HS6ST3: variants seen among roughly 807,000 people sequenced by gnomAD.
The protein encoded by HS6ST3 is heparan-sulfate 6-O-sulfotransferase 3.
HS6ST3 carries 12 observed loss-of-function variants against 36.7 expected under a neutral mutation model. That is an observed-to-expected ratio of 0.33 (90% confidence interval 0.21 to 0.53). The LOEUF (loss-of-function observed/expected upper bound fraction) is 0.53, where lower values mean the gene tolerates loss of function less well. Ranked by LOEUF, HS6ST3 falls within the 20% of genes least tolerant of loss-of-function variation. HS6ST3 has a pLI of 0.95. For missense variants in HS6ST3, 584 were observed against 640.9 expected (o/e 0.91, Z 0.96); for synonymous variants, 240 against 257.5 (o/e 0.93, Z 0.65).
intron 1 of HS6ST3, among the ~76,000 whole-genome samples, chr13:96,265,497 T>C (rs2054687661): frequency 6.6e-6 from 1 of 152,200 alleles, no homozygotes; most frequent in Non-Finnish European, 1.5e-5. Context: ...CACTGTTGAC[T>C]CTGATTCATT....
intron 1 of HS6ST3, among the ~76,000 whole-genome samples, chr13:96,758,446 C>T (rs1232104195): frequency 6.6e-6 from 1 of 151,556 alleles, no homozygotes; most frequent in Non-Finnish European, 1.5e-5. Context: ...TTTTTTCCTT[C>T]TTCTTTCAGC....
At chr13:96,104,176 T>A (rs1452752105) in intron 1 of HS6ST3, among the ~76,000 whole-genome samples, 1 of 152,200 alleles carries the variant, frequency 6.6e-6, no homozygotes, top group Admixed American at 6.5e-5. Context: ...TCATACTTGG[T>A]TTTGCAGTTA....
chr13:96,513,307 A>G (rs2056058442), intron 1 of HS6ST3, among the ~76,000 whole-genome samples: 1 of 150,394 alleles, frequency 6.6e-6, no homozygotes, highest in African/African-American at 2.4e-5. Flanking sequence ...TCCAGCCTTT[A>G]TTTTAGAAAA....
chr13:96,735,851 A>T lies in HS6ST3; in HGVS notation c.708-96639A>T, dbSNP rs563718304. On this transcript the variant is annotated intron_variant, in intron 1 of 1. Coordinates refer to ENST00000376705, the MANE Select transcript of HS6ST3 (RefSeq NM_153456.4). ...TAGAAAAGGAAGACTCTTGAAACCA[A>T]GTGGTATGTATACACTGTGGAATAC... Among the ~76,000 whole-genome samples the T allele has an allele frequency of 5.9e-5, 9 of 152,324 alleles. No individual in the cohort carries two copies. The East Asian group carries it at 1.4e-3, about 23-fold the overall frequency.
intron 1 of HS6ST3, among the ~76,000 whole-genome samples, chr13:96,115,748 T>G (rs748608195): frequency 6.6e-6 from 1 of 152,240 alleles, no homozygotes; most frequent in Non-Finnish European, 1.5e-5. Context: ...TATATTCCTT[T>G]GGGTATATAC....
chr13:96,204,364 ATACT>A (rs2054358979), intron 1 of HS6ST3, among the ~76,000 whole-genome samples: 3 of 152,164 alleles, frequency 2.0e-5, no homozygotes, highest in Non-Finnish European at 4.4e-5. Context: ...AAATTCTTAG[ATACT>A]TACAAAGAGA....
intron 1 of HS6ST3, among the ~76,000 whole-genome samples, chr13:96,799,429 C>T (rs1364582204): frequency 6.6e-6 from 1 of 152,056 alleles, no homozygotes; most frequent in Non-Finnish European, 1.5e-5. Context: ...GGCACACATA[C>T]ACCATGGAAT....
At chr13:96,643,078 G>C (rs1311843980) in intron 1 of HS6ST3, among the ~76,000 whole-genome samples, 1 of 151,956 alleles carries the variant, frequency 6.6e-6, no homozygotes, top group Non-Finnish European at 1.5e-5. Context: ...TTATTTGTTT[G>C]CTTAGTGACT....
At chr13:96,118,388 C>T (rs1311720261) in intron 1 of HS6ST3, among the ~76,000 whole-genome samples, 1 of 151,988 alleles carries the variant, frequency 6.6e-6, no homozygotes, top group East Asian at 1.9e-4. Flanking sequence ...GTCATGCCAA[C>T]ATTTTGATCT....
intron 1 of HS6ST3, among the ~76,000 whole-genome samples, chr13:96,510,574 G>A (rs1321556728): frequency 1.3e-5 from 2 of 152,096 alleles, no homozygotes; most frequent in Non-Finnish European, 2.9e-5. Flanking sequence ...TGCCCACTCT[G>A]TGAGATTTCT....
chr13:96,588,415 A>G (rs2056369976), intron 1 of HS6ST3, among the ~76,000 whole-genome samples: 1 of 152,122 alleles, frequency 6.6e-6, no homozygotes, highest in Admixed American at 6.6e-5. Context: ...TTCCATACCT[A>G]ATCTGTTGAG....
At chr13:96,122,474 C>A (rs1289125922) in intron 1 of HS6ST3, among the ~76,000 whole-genome samples, 2 of 152,162 alleles carry the variant, frequency 1.3e-5, no homozygotes, top group African/African-American at 4.8e-5. Context: ...TAATATATTT[C>A]TCTGCTCACA....
chr13:96,549,588 C>T (rs2056211045), intron 1 of HS6ST3, among the ~76,000 whole-genome samples: 1 of 152,098 alleles, frequency 6.6e-6, no homozygotes, highest in South Asian at 2.1e-4. Context: ...GGTTATCTGT[C>T]CTTTGATTAA....
intron 1 of HS6ST3, among the ~76,000 whole-genome samples, chr13:96,534,400 T>C (rs1374733311): frequency 6.6e-6 from 1 of 152,250 alleles, no homozygotes; most frequent in Admixed American, 6.5e-5. Context: ...AATGACTAGC[T>C]AATCAAACTG....
At position 96,108,952 on chromosome 13, in the gene HS6ST3, C is replaced by CCTATCTGTATCT. The variant is rs1555386079; in HGVS notation, c.707+17389_707+17390insGTATCTCTATCT. Among the ~76,000 whole-genome samples, 449 of 147,930 alleles carry CCTATCTGTATCT rather than the reference C, an allele frequency of 3.0e-3. 3 individuals are homozygous for CCTATCTGTATCT. The highest frequency in any genetic ancestry group is 0.011 in the African/African-American group (440 of 40,082). On this transcript the variant is annotated intron_variant, in intron 1 of 1. Transcript: ENST00000376705. ...AAAGGTTAAATCTGTGACAACCACT[C>CCTATCTGTATCT]CTATCTCTATCTCTATCTCTATCTC...
At position 96,530,505 on chromosome 13, in the gene HS6ST3, C is replaced by CTT. The variant is rs113518179; in HGVS notation, c.708-301972_708-301971dup. Among the ~76,000 whole-genome samples, 697 of 142,598 alleles carry CTT rather than the reference C, an allele frequency of 4.9e-3. 8 individuals are homozygous for CTT. Among genetic ancestry groups the CTT allele is most frequent in the African/African-American group, 0.016 (626 of 38,904 alleles). 93.5% of individuals were successfully genotyped at this position (142,598 alleles called of 152,430 possible). Reference sequence around the variant, plus strand: ...ACTGATCAGTTTCTTTTTTCTTTCCCTTTTTTTTTTTTTTGGAAACAGGTA... The same window carrying CTT: ...ACTGATCAGTTTCTTTTTTCTTTCCCTTTTTTTTTTTTTTTTGGAAACAGGTA... On this transcript the variant is annotated intron_variant, in intron 1 of 1. Transcript: ENST00000376705.
Position 96,091,418 on chromosome 13 carries a change from T to G in HS6ST3, c.556T>G (p.Cys186Gly). 6.2e-7 allele frequency: 1 copy of G among 1,613,106 alleles called. No homozygotes were observed. Among genetic ancestry groups the G allele is most frequent in the Non-Finnish European group, 8.5e-7 (1 of 1,179,698 alleles). ...SCKAGQKKCT[C>G]HRPGKKETWL... ...CAAAGCGGGTCAGAAGAAGTGCACC[T>G]GCCACCGGCCTGGCAAGAAGGAGAC... is the stretch of plus-strand genomic sequence containing the variant. Residue 186 changes from cysteine to glycine, a missense_variant, in exon 1 of 2, where the codon TGC (cysteine) becomes GGC (glycine). By Grantham distance (159) the Cys-to-Gly change is radical. Coordinates refer to ENST00000376705, the MANE Select transcript of HS6ST3 (RefSeq NM_153456.4).
chr13:96,146,262 C>A (rs1023245911), intron 1 of HS6ST3, among the ~76,000 whole-genome samples: 1 of 152,094 alleles, frequency 6.6e-6, no homozygotes, highest in African/African-American at 2.4e-5. Flanking sequence ...GCCATTTTCA[C>A]GATATTGATT....
At chr13:96,568,875 G>T (rs2056291146) in intron 1 of HS6ST3, among the ~76,000 whole-genome samples, 1 of 152,108 alleles carries the variant, frequency 6.6e-6, no homozygotes, top group Non-Finnish European at 1.5e-5. Flanking sequence ...ATTACTTCAA[G>T]AATAAGCTAA....
Sources: allele counts gnomAD v4.1 joint callset (sites outside exome capture counted in the v4.1 genomes callset), GRCh38; gene constraint gnomAD v4.1.1; transcripts MANE v1.5; gene names NCBI Gene and HGNC (gene_info 2026-07-23, HGNC 2026-07-21).